Variants in CCDC73 observed in about 807,000 individuals in gnomAD.
CCDC73 encodes coiled-coil domain containing 73.
A neutral mutation model predicts 116.5 loss-of-function variants in CCDC73; 95 were observed. The ratio of observed to expected loss-of-function variants is 0.82; its 90% confidence interval spans 0.69 to 0.97. The LOEUF (loss-of-function observed/expected upper bound fraction) is 0.97, where lower values mean the gene tolerates loss of function less well. Among genes scored for constraint, CCDC73 ranks in the 50% least tolerant of loss-of-function variants. The pLI is 0.00. For missense variants in CCDC73, 1,066 were observed against 1,206.8 expected, an observed-to-expected ratio of 0.88 and a Z score of 1.73; for synonymous variants, 398 against 401.3, an observed-to-expected ratio of 0.99 and a Z score of 0.10.
chr11:32,774,410 T>G (rs1012405148), intron 1 of CCDC73, among the ~76,000 whole-genome samples: 7 of 152,220 alleles, frequency 4.6e-5, no homozygotes, highest in Admixed American at 1.3e-4. Flanking sequence ...AAACCCTTTT[T>G]ATGCATTTTA....
At chr11:32,794,228 G>T (rs1850703241) in intron 1 of CCDC73, 1 of 152,028 alleles carries the variant, frequency 6.6e-6, no homozygotes, top group Non-Finnish European at 1.5e-5. Context: ...AAGAACAATC[G>T]ACATGATTGC....
intron 14 of CCDC73, among the ~76,000 whole-genome samples, chr11:32,624,956 T>A (rs1855556575): frequency 6.6e-6 from 1 of 152,258 alleles, no homozygotes; most frequent in East Asian, 1.9e-4. Flanking sequence ...CCGCACGTTC[T>A]CACTCATAGG....
chr11:32,739,681 CTTTA>C (rs1366198847), intron 2 of CCDC73, among the ~76,000 whole-genome samples: 2 of 152,034 alleles, frequency 1.3e-5, no homozygotes, highest in Admixed American at 6.6e-5. Context: ...TTTGGATGCC[CTTTA>C]TTTATTCTTG....
chr11:32,607,384 G>A (rs890704542), intron 17 of CCDC73, among the ~76,000 whole-genome samples: 22 of 152,054 alleles, frequency 1.4e-4, no homozygotes, highest in African/African-American at 3.9e-4. Context: ...GAGCCACCGC[G>A]CCCGGCCCAA....
intron 2 of CCDC73, among the ~76,000 whole-genome samples, chr11:32,750,056 G>A: frequency 6.6e-6 from 1 of 151,904 alleles, no homozygotes; most frequent in East Asian, 1.9e-4. Flanking sequence ...ATTTTTAGTA[G>A]AGACGGGGTT....
At chr11:32,689,455 C>A (rs1323072936) in intron 6 of CCDC73, among the ~76,000 whole-genome samples, 1 of 151,818 alleles carries the variant, frequency 6.6e-6, no homozygotes, top group Non-Finnish European at 1.5e-5. Context: ...GTAGCCACTG[C>A]AAACAGGAAG....
chr11:32,648,139 T>C (rs1028039945), intron 12 of CCDC73, among the ~76,000 whole-genome samples: 4 of 152,238 alleles, frequency 2.6e-5, no homozygotes, highest in African/African-American at 9.6e-5. Context: ...TATATAGATT[T>C]AGTTTCTGCC....
intron 9 of CCDC73, among the ~76,000 whole-genome samples, chr11:32,671,055 T>C (rs990569344): frequency 2.0e-5 from 3 of 152,218 alleles, no homozygotes; most frequent in African/African-American, 7.2e-5. Flanking sequence ...CCTGAACTTT[T>C]AGTACACTGT....
chr11:32,642,875 T>TA (rs200401929), intron 12 of CCDC73, among the ~76,000 whole-genome samples: 2 of 151,390 alleles, frequency 1.3e-5, no homozygotes, highest in South Asian at 2.1e-4. Context: ...TTTTTTTTTT[T>TA]AAAAAAAGTA....
intron 13 of CCDC73, among the ~76,000 whole-genome samples, chr11:32,640,060 C>T (rs982299483): frequency 6.6e-6 from 1 of 151,976 alleles, no homozygotes; most frequent in African/African-American, 2.4e-5. Flanking sequence ...ATCTCAGTAG[C>T]CACACTACTA....
At chr11:32,800,818 A>G in the CCDC73 span, among the ~76,000 whole-genome samples, 1 of 152,244 alleles carries the variant, frequency 6.6e-6, no homozygotes, top group African/African-American at 2.4e-5. Context: ...AGTAGATAGT[A>G]TAACCATTTA....
At chr11:32,821,029 C>T in the CCDC73 span, among the ~76,000 whole-genome samples, 18 of 152,018 alleles carry the variant, frequency 1.2e-4, 1 homozygote, top group Admixed American at 8.5e-4. Flanking sequence ...TTAATAGTGT[C>T]TTACCATGTC....
chr11:32,742,389 C>T (rs1056498640), intron 2 of CCDC73, among the ~76,000 whole-genome samples: 20 of 152,182 alleles, frequency 1.3e-4, no homozygotes, highest in African/African-American at 4.8e-4. Context: ...CTTTGATTTG[C>T]ATTTCTCTAA....
chr11:32,606,469 C>T (rs1855352516), intron 17 of CCDC73, among the ~76,000 whole-genome samples: 1 of 152,088 alleles, frequency 6.6e-6, no homozygotes, highest in South Asian at 2.1e-4. Flanking sequence ...TTGAATTTGC[C>T]CCACATTACA....
chr11:32,726,530 T>TA (rs1565085827), intron 2 of CCDC73, among the ~76,000 whole-genome samples: 1 of 152,000 alleles, frequency 6.6e-6, no homozygotes, highest in African/African-American at 2.4e-5. Flanking sequence ...ATGGAAAACA[T>TA]AGACAGAAAA....
chr11:32,647,167 G>A (rs969601012), intron 12 of CCDC73, among the ~76,000 whole-genome samples: 1 of 152,162 alleles, frequency 6.6e-6, no homozygotes, highest in Non-Finnish European at 1.5e-5. Context: ...ATTGGCCCAT[G>A]GTTCTGCAGG....
chr11:32,740,493 A>G (rs1224906348), intron 2 of CCDC73, among the ~76,000 whole-genome samples: 4 of 152,054 alleles, frequency 2.6e-5, no homozygotes, highest in Non-Finnish European at 5.9e-5. Context: ...AGCTGCTCAT[A>G]GCCTCTAAAG....
At position 32,779,358 on chromosome 11, in the gene CCDC73, A is replaced by C. The variant is rs552557767; in HGVS notation, c.-16+15255T>G. ...TCCTGTTTCAAATATAGAAAACACAACTTAAGCTGACTTTAAGACAAAAAG... is the reference window on the plus strand; with the variant it reads ...TCCTGTTTCAAATATAGAAAACACACCTTAAGCTGACTTTAAGACAAAAAG... On this transcript the variant is annotated intron_variant, in intron 1 of 17. Coordinates refer to ENST00000335185, the MANE Select transcript of CCDC73 (RefSeq NM_001008391.4). 8.5e-5 allele frequency among the ~76,000 whole-genome samples: 13 copies of C among 152,200 alleles called. No homozygotes were observed. The South Asian group carries it at 2.7e-3, about 32-fold the overall frequency.
intron 6 of CCDC73, among the ~76,000 whole-genome samples, chr11:32,686,169 TAAG>T (rs1238244179): frequency 1.1e-5 from 1 of 92,098 alleles, no homozygotes; most frequent in African/African-American, 4.4e-5. Context: ...GTGGATGAAA[TAAG>T]AAGTGGTTGG....
Sources: allele counts gnomAD v4.1 joint callset (sites outside exome capture counted in the v4.1 genomes callset), GRCh38; gene constraint gnomAD v4.1.1; transcripts MANE v1.5; gene names NCBI Gene and HGNC (gene_info 2026-07-23, HGNC 2026-07-21).